Variants in SPX observed in about 807,000 individuals in gnomAD.
The protein encoded by SPX is spexin.
A neutral mutation model predicts 19.2 loss-of-function variants in SPX; 22 were observed. The observed-to-expected ratio is 1.15, with a 90% CI of 0.82 to 1.64. The LOEUF is 1.64. Ranked by LOEUF, SPX falls within the 40% of genes most tolerant of loss-of-function variation. SPX has a pLI of 0.00. For synonymous variants in SPX, 50 were observed against 53.3 expected (o/e 0.94, Z 0.27); for missense variants, 143 against 137.7 (o/e 1.04, Z -0.19).
rs1170436176 is a variant in SPX at position 21,532,791 on chromosome 12, A to C, written c.*1596A>C. The C allele has an allele frequency of 6.6e-6, 1 of 152,222 alleles. No homozygotes were observed. The highest frequency in any genetic ancestry group is 1.5e-5 in the Non-Finnish European group (1 of 68,044). The allele number at this position is 152,222 out of a possible 1,614,324, so 9.4% of individuals were successfully genotyped here. ...GAAATAATTCTTCCTACAACTAACC[A>C]GAACAATCTCAAAAATGTCATACTA... On this transcript the variant is annotated 3_prime_UTR_variant, in exon 6 of 6. Transcript: ENST00000256969.
chr12:21,529,037 C>T lies in SPX; in HGVS notation c.245C>T (p.Pro82Leu), dbSNP rs750496888. 15 of 1,614,002 alleles carry T rather than the reference C, an allele frequency of 9.3e-6. No individual in the cohort carries two copies. Among genetic ancestry groups the T allele is most frequent in the Admixed American group, 6.7e-5 (4 of 59,994 alleles). ...RSPNPQLLTI[P>L]EAATILLASL... ...CCAAATCCCCAACTACTAACTATTC[C>T]GGAGGCAGCAACCATCTTACTGGCG... Residue 82 changes from proline to leucine, a missense_variant, in exon 5 of 6, where the codon CCG (proline) becomes CTG (leucine). Transcript: ENST00000256969.
chr12:21,528,102 G>A, intron 4 of SPX: 2 of 347,756 alleles, frequency 5.8e-6, no homozygotes, highest in South Asian at 4.0e-5. Context: ...TGGCTGCCAG[G>A]GTGTGCAGAG....
chr12:21,527,662 C>CTG, intron 3 of SPX, 65 bp from the exon 4 acceptor site: 1 of 1,487,242 alleles, frequency 6.7e-7, no homozygotes, highest in South Asian at 1.2e-5. Context: ...CCGGGAGGAG[C>CTG]TGAGGTTTAA....
At chr12:21,530,938 T>A (rs1041153107) in intron 5 of SPX, among the ~76,000 whole-genome samples, 199 bp from the exon 6 acceptor site, 1 of 152,114 alleles carries the variant, frequency 6.6e-6, no homozygotes, top group Admixed American at 6.6e-5. Context: ...AATTCCCCAA[T>A]GTGTCCCAAG....
intron 4 of SPX, chr12:21,528,229 T>A (rs1033474196): frequency 6.4e-6 from 1 of 155,446 alleles, no homozygotes; most frequent in African/African-American, 2.4e-5. Flanking sequence ...TTACTCAGCC[T>A]CCTCTTAAAC....
At chr12:21,527,296 C>A in intron 3 of SPX, 104 bp downstream of exon 3, 1 of 1,208,242 alleles carries the variant, frequency 8.3e-7, no homozygotes, top group East Asian at 2.4e-5. Context: ...CGAGTTTATT[C>A]CCTTAAATCA....
chr12:21,530,598 C>T (rs1943855593), intron 5 of SPX, among the ~76,000 whole-genome samples: 1 of 152,130 alleles, frequency 6.6e-6, no homozygotes, highest in Non-Finnish European at 1.5e-5. Flanking sequence ...TAAGTATCCC[C>T]ACCTCAGAAG....
In SPX at chr12:21,527,130, T is replaced by C. The variant is rs371196678; in HGVS notation, c.88-5T>C. The C allele has an allele frequency of 1.8e-5, 29 of 1,613,918 alleles. No homozygotes were observed. In the African/African-American group the frequency reaches 2.8e-4, roughly 16 times the overall value. Reference sequence around the variant, plus strand: ...TAACTGCTCTTCCCTTCCCCCGGGCTATAGAGACTGTTGGAGAGAAGGAAC... The same window carrying C: ...TAACTGCTCTTCCCTTCCCCCGGGCCATAGAGACTGTTGGAGAGAAGGAAC... On this transcript the variant is annotated splice_polypyrimidine_tract_variant and splice_region_variant and intron_variant, in intron 2 of 5. Coordinates refer to ENST00000256969, the MANE Select transcript of SPX (RefSeq NM_030572.4).
At chr12:21,526,854 A>T (rs949141448) in intron 1 of SPX, 32 bp from the exon 2 acceptor site, 5 of 1,598,972 alleles carry the variant, frequency 3.1e-6, no homozygotes, top group Non-Finnish European at 4.3e-6. Flanking sequence ...TTGGCACAGA[A>T]ATGACCCTTT....
Position 21,527,872 on chromosome 12 carries a change from C to G in SPX, c.208+83C>G, listed in dbSNP as rs1007658367. The G allele has an allele frequency of 2.8e-5, 40 of 1,435,642 alleles. 1 individual carries two copies. Among genetic ancestry groups the G allele is most frequent in the South Asian group, 8.8e-5 (7 of 79,808 alleles). 88.9% of individuals were successfully genotyped at this position (1,435,642 alleles called of 1,614,324 possible). On this transcript the variant is annotated intron_variant, in intron 4 of 5. Coordinates refer to ENST00000256969, the MANE Select transcript of SPX (RefSeq NM_030572.4). ...GGCAGGGCTTGCTCCGCGCTGGTGCCGAAAGAAAGCGTCTCCTCACCGGAA... is the reference window on the plus strand; with the variant it reads ...GGCAGGGCTTGCTCCGCGCTGGTGCGGAAAGAAAGCGTCTCCTCACCGGAA...
Position 21,529,046 on chromosome 12 carries a change from C to A in SPX, c.254C>A (p.Ala85Glu), listed in dbSNP as rs1249885636. 1.2e-6 allele frequency: 2 copies of A among 1,614,050 alleles called. No homozygotes were observed. Among genetic ancestry groups the A allele is most frequent in the Non-Finnish European group, 1.7e-6 (2 of 1,180,028 alleles). ...NPQLLTIPEA[A>E]TILLASLQKS... Reference sequence around the variant, plus strand: ...CAACTACTAACTATTCCGGAGGCAGCAACCATCTTACTGGCGTCCCTTCAG... The same window carrying A: ...CAACTACTAACTATTCCGGAGGCAGAAACCATCTTACTGGCGTCCCTTCAG... Residue 85 changes from alanine to glutamate, a missense_variant, in exon 5 of 6, where the codon GCA (alanine) becomes GAA (glutamate). Physicochemically the swap from Ala to Glu is moderately radical, Grantham distance 107. Transcript: ENST00000256969.
In SPX at chr12:21,526,901, G is replaced by C. The variant is rs761051961; in HGVS notation, c.22G>C (p.Ala8Pro). The change falls in exon 2 of 6, where the codon GCA becomes CCA. Residue 8 changes from alanine to proline, a missense_variant. By Grantham distance (27) the Ala-to-Pro change is conservative. Transcript: ENST00000256969. Reference sequence around the variant, plus strand: ...CTTCATATAGGGACTCAGAAGTCTGGCAGCAACAACCTTGGCTCTTTTCCT... The same window carrying C: ...CTTCATATAGGGACTCAGAAGTCTGCCAGCAACAACCTTGGCTCTTTTCCT... MKGLRSLAATTLALFLVF... is the reference protein window; with the variant it reads MKGLRSLPATTLALFLVF... The C allele has an allele frequency of 6.2e-7, 1 of 1,614,196 alleles. No homozygotes were observed. The highest frequency in any genetic ancestry group is 8.5e-7 in the Non-Finnish European group (1 of 1,180,010).
At chr12:21,529,123 C>G in intron 5 of SPX, 39 bp downstream of exon 5, 1 of 1,574,218 alleles carries the variant, frequency 6.4e-7, no homozygotes, top group Non-Finnish European at 8.7e-7. Context: ...CATAACAGAA[C>G]AGCTTTGCTT....
intron 5 of SPX, among the ~76,000 whole-genome samples, chr12:21,530,490 A>G (rs1190514576): frequency 4.6e-5 from 7 of 152,174 alleles, no homozygotes; most frequent in African/African-American, 1.7e-4. Context: ...TAGTAGATGC[A>G]CTTTGCCCCT....
chr12:21,532,893 C>T lies in SPX; in HGVS notation c.*1698C>T, dbSNP rs897149393. On this transcript the variant is annotated 3_prime_UTR_variant, in exon 6 of 6. Coordinates refer to ENST00000256969, the MANE Select transcript of SPX (RefSeq NM_030572.4). The stretch of plus-strand genomic sequence containing the variant: ...CCAAGTATTCTAAGTACTCAAATTC[C>T]TTGAATGTTCTTATGTACAAATATG... 3 of 152,146 alleles carry T rather than the reference C, an allele frequency of 2.0e-5. No individual in the cohort carries two copies. The highest frequency in any genetic ancestry group is 2.1e-4 in the South Asian group (1 of 4,830). 9.4% of individuals were successfully genotyped at this position (152,146 alleles called of 1,614,324 possible).
Position 21,526,911 on chromosome 12 carries a change from C to A in SPX, c.32C>A (p.Thr11Asn), listed in dbSNP as rs775231566. ...GGACTCAGAAGTCTGGCAGCAACAA[C>A]CTTGGCTCTTTTCCTGGTGTTTGTT... is the stretch of plus-strand genomic sequence containing the variant. MKGLRSLAAT[T>N]LALFLVFVFL... Residue 11 changes from threonine (T) to asparagine (N), a missense_variant, in exon 2 of 6, where the codon ACC becomes AAC. Transcript: ENST00000256969. The A allele has an allele frequency of 7.4e-6, 12 of 1,614,096 alleles. No individual in the cohort carries two copies. In the African/African-American group the frequency reaches 1.5e-4, roughly 20 times the overall value.
At chr12:21,527,255 T>C in intron 3 of SPX, 63 bp downstream of exon 3, 1 of 1,463,000 alleles carries the variant, frequency 6.8e-7, no homozygotes, top group Non-Finnish European at 9.6e-7. Flanking sequence ...CAGGAACAGA[T>C]AGATGGAGAG....
intron 4 of SPX, 75 bp downstream of exon 4, chr12:21,527,864 G>A (rs561429147): frequency 2.0e-5 from 29 of 1,473,528 alleles, no homozygotes; most frequent in African/African-American, 2.8e-5. Context: ...CTTGCTCCGC[G>A]CTGGTGCCGA....
rs1377624233 is a variant in SPX, at chr12:21,526,880, A to G, written c.7-6A>G. 1.4e-5 allele frequency: 23 copies of G among 1,613,974 alleles called. No homozygotes were observed. Among genetic ancestry groups the G allele is most frequent in the Non-Finnish European group, 1.9e-5 (22 of 1,179,826 alleles). ...ATGACCCTTTCTGGTTGATCGCTTC[A>G]TATAGGGACTCAGAAGTCTGGCAGC... On this transcript the variant is annotated splice_region_variant and splice_polypyrimidine_tract_variant and intron_variant, in intron 1 of 5. Coordinates refer to ENST00000256969, the MANE Select transcript of SPX (RefSeq NM_030572.4).
Sources: allele counts gnomAD v4.1 joint callset (sites outside exome capture counted in the v4.1 genomes callset), GRCh38; gene constraint gnomAD v4.1.1; transcripts MANE v1.5; gene names NCBI Gene and HGNC (gene_info 2026-07-23, HGNC 2026-07-21).